NHERF1: variants seen among roughly 807,000 people sequenced by gnomAD.
NHERF1 encodes NHERF family PDZ scaffold protein 1, also known as Na(+)/H(+) exchange regulatory cofactor NHE-RF1.
the NHERF1 span, among the ~76,000 whole-genome samples, chr17:74,757,660 C>A: frequency 2.6e-5 from 4 of 152,102 alleles, no homozygotes; most frequent in Non-Finnish European, 5.9e-5. Context: ...CCAGGCCCAG[C>A]CCTGTCTCCA....
the NHERF1 span, among the ~76,000 whole-genome samples, chr17:74,752,428 T>C: frequency 6.6e-6 from 1 of 152,068 alleles, no homozygotes; most frequent in Non-Finnish European, 1.5e-5. Flanking sequence ...GACACTTCTG[T>C]CCCCTCCCAG....
chr17:74,768,441 A>G, the NHERF1 span: 4 of 1,613,226 alleles, frequency 2.5e-6, no homozygotes, highest in Non-Finnish European at 2.5e-6. Context: ...CTGACTCCCA[A>G]CTTCCTGCCC....
the NHERF1 span, among the ~76,000 whole-genome samples, chr17:74,762,837 C>T: frequency 5.3e-5 from 8 of 152,316 alleles, no homozygotes; most frequent in South Asian, 2.1e-4. This position sits in a 1 kb window ranked among gnomAD's most constrained non-coding sequence, Gnocchi z 4.2. Flanking sequence ...GGATTCCAGG[C>T]GTGAGCCACC....
At chr17:74,768,566 G>A in the NHERF1 span, 1 of 1,614,086 alleles carries the variant, frequency 6.2e-7, no homozygotes, top group East Asian at 2.2e-5. Flanking sequence ...CCCTGGCCAT[G>A]GCCAAAGAGA....
chr17:74,748,922 T>C, the NHERF1 span: 1 of 1,602,560 alleles, frequency 6.2e-7, no homozygotes, highest in South Asian at 1.1e-5. The surrounding 1 kb of genome is among the most constrained non-coding windows in gnomAD (Gnocchi z 4.3). Flanking sequence ...CGGCTACGGC[T>C]TCCACCTGCA....
At chr17:74,759,739 C>A in the NHERF1 span, among the ~76,000 whole-genome samples, 3 of 152,232 alleles carry the variant, frequency 2.0e-5, no homozygotes, top group African/African-American at 7.2e-5. Flanking sequence ...CCTGTTGGGT[C>A]CTCACCTCCC....
At chr17:74,754,348 A>G in the NHERF1 span, among the ~76,000 whole-genome samples, 3 of 150,916 alleles carry the variant, frequency 2.0e-5, no homozygotes, top group South Asian at 4.2e-4. Context: ...CACTCTACCT[A>G]TGACATAAAG....
the NHERF1 span, among the ~76,000 whole-genome samples, chr17:74,759,499 CG>C: frequency 7.9e-5 from 12 of 151,868 alleles, no homozygotes; most frequent in Middle Eastern, 3.4e-3. Context: ...CCCTGCCAGC[CG>C]GGGGGGGCGC....
At chr17:74,766,507 C>A in the NHERF1 span, among the ~76,000 whole-genome samples, 75,663 of 151,696 alleles carry the variant, frequency 0.5, 19,129 homozygotes, top group Non-Finnish European at 0.53. Context: ...CTGGCCCAGA[C>A]ATTTTTTTGT....
the NHERF1 span, chr17:74,749,090 G>T: frequency 4.4e-6 from 7 of 1,586,370 alleles, no homozygotes; most frequent in Non-Finnish European, 5.1e-6. The surrounding 1 kb of genome is among the most constrained non-coding windows in gnomAD (Gnocchi z 5.6). Flanking sequence ...CATCCGCGCC[G>T]CACTCAACGC....
chr17:74,765,201 C>T, the NHERF1 span, among the ~76,000 whole-genome samples: 7 of 152,144 alleles, frequency 4.6e-5, no homozygotes, highest in African/African-American at 1.4e-4. Context: ...TGAGCCTTCT[C>T]GTCCCCCCTC....
the NHERF1 span, chr17:74,766,895 AT>A: frequency 6.2e-7 from 1 of 1,607,894 alleles, no homozygotes; most frequent in Non-Finnish European, 8.5e-7. Flanking sequence ...GCTCTATTCC[AT>A]CCCCGTTCTG....
the NHERF1 span, chr17:74,748,737 A>G: frequency 9.9e-7 from 1 of 1,013,242 alleles, no homozygotes; most frequent in South Asian, 1.6e-5. The surrounding 1 kb of genome is among the most constrained non-coding windows in gnomAD (Gnocchi z 4.3). Flanking sequence ...CCGGCGGCTC[A>G]GGGCTTCTCT....
At chr17:74,763,288 CT>C in the NHERF1 span, 1 of 1,449,360 alleles carries the variant, frequency 6.9e-7, no homozygotes, top group Non-Finnish European at 9.5e-7. Context: ...GTGGTCACCC[CT>C]GCCCCCAACC....
chr17:74,768,744 A>G, the NHERF1 span: 14,482 of 1,183,568 alleles, frequency 0.012, 142 homozygotes, highest in Non-Finnish European at 0.016. Context: ...CCCTGAATCA[A>G]TGTACAAATC....
At chr17:74,755,694 G>T in the NHERF1 span, among the ~76,000 whole-genome samples, 1 of 152,104 alleles carries the variant, frequency 6.6e-6, no homozygotes, top group African/African-American at 2.4e-5. Context: ...ATTTAGAGGA[G>T]TGTGTTTGGG....
the NHERF1 span, chr17:74,768,736 C>T: frequency 7.9e-7 from 1 of 1,270,448 alleles, no homozygotes; most frequent in Non-Finnish European, 1.1e-6. Flanking sequence ...AATTACTCCC[C>T]TGAATCAATG....
chr17:74,762,179 G>A, the NHERF1 span: 11 of 1,613,786 alleles, frequency 6.8e-6, no homozygotes, highest in South Asian at 1.1e-5. The surrounding 1 kb of genome is among the most constrained non-coding windows in gnomAD (Gnocchi z 4.2). Context: ...TGGAGGTGAT[G>A]CTTCTCGCTC....
the NHERF1 span, chr17:74,763,403 G>A: frequency 3.1e-6 from 5 of 1,614,176 alleles, no homozygotes; most frequent in Non-Finnish European, 4.2e-6. Context: ...GCAGCATGGG[G>A]ACGTGGTGTC....
Sources: allele counts gnomAD v4.1 joint callset (sites outside exome capture counted in the v4.1 genomes callset), GRCh38; gene constraint gnomAD v4.1.1; non-coding constraint Gnocchi (gnomAD v3.1); transcripts MANE v1.5; gene names NCBI Gene and HGNC (gene_info 2026-07-23, HGNC 2026-07-21).